WNT7A: variants seen among roughly 807,000 people sequenced by gnomAD.
WNT7A encodes the protein protein Wnt-7a.
A neutral mutation model predicts 28.2 loss-of-function variants in WNT7A; 16 were observed. That is an observed-to-expected ratio of 0.57 (90% CI 0.38 to 0.86). The LOEUF (loss-of-function observed/expected upper bound fraction) is 0.86. Ranked by LOEUF, WNT7A falls within the 40% of genes least tolerant of loss-of-function variation. WNT7A has a pLI of 0.00. For synonymous variants in WNT7A, 190 were observed against 195.9 expected (o/e 0.97, Z 0.25); for missense variants, 411 against 489.7 (o/e 0.84, Z 1.52).
intron 3 of WNT7A, among the ~76,000 whole-genome samples, chr3:13,823,374 C>G (rs1449771995): frequency 3.9e-5 from 6 of 152,200 alleles, no homozygotes. Flanking sequence ...AGCCGGTGCG[C>G]AGAAAATGCC....
rs771287706 is a variant in WNT7A at position 13,818,291 on chromosome 3, T to C, written c.*653A>G. On this transcript the variant is annotated 3_prime_UTR_variant, in exon 4 of 4. Transcript: ENST00000285018. ...GGGCAAAAGGATGGAAAACATACTC[T>C]GGAAAAAACGTCTCCAAATCTGGAC... 5.1e-5 allele frequency: 7 copies of C among 136,954 alleles called. No homozygotes were observed. The highest frequency in any genetic ancestry group is 9.1e-5 in the Non-Finnish European group (6 of 65,868). The allele number at this position is 136,954 out of a possible 1,614,324, so 8.5% of individuals were successfully genotyped here.
At chr3:13,826,691 C>T (rs1333213432) in intron 3 of WNT7A, among the ~76,000 whole-genome samples, 1 of 152,140 alleles carries the variant, frequency 6.6e-6, no homozygotes, top group Non-Finnish European at 1.5e-5. Flanking sequence ...ACTTCAGTCC[C>T]TTCCACAGAA....
intron 1 of WNT7A, 82 bp from the exon 2 acceptor site, chr3:13,875,255 T>C: frequency 6.9e-7 from 1 of 1,447,416 alleles, no homozygotes; most frequent in South Asian, 1.2e-5. Flanking sequence ...TGTCCAGCAC[T>C]GGCCACCCCA....
intron 3 of WNT7A, among the ~76,000 whole-genome samples, chr3:13,839,228 C>T (rs563996581): frequency 6.7e-4 from 102 of 152,256 alleles, no homozygotes; most frequent in Middle Eastern, 3.4e-3. Context: ...GGAAACTTGT[C>T]GGAAATGCAG....
At chr3:13,826,533 T>C (rs1285869481) in intron 3 of WNT7A, among the ~76,000 whole-genome samples, 3 of 152,038 alleles carry the variant, frequency 2.0e-5, no homozygotes, top group African/African-American at 7.3e-5. Flanking sequence ...AGAGCACATG[T>C]TGAGCACATA....
At chr3:13,867,280 T>G (rs576617872) in intron 2 of WNT7A, among the ~76,000 whole-genome samples, 1 of 152,278 alleles carries the variant, frequency 6.6e-6, no homozygotes, top group East Asian at 1.9e-4. Flanking sequence ...AACCCGGCCA[T>G]GTGACTCTGA....
chr3:13,832,168 T>A (rs975163200), intron 3 of WNT7A, among the ~76,000 whole-genome samples: 1 of 144,616 alleles, frequency 6.9e-6, no homozygotes, highest in African/African-American at 2.6e-5. Flanking sequence ...CCCCTCCTCC[T>A]CCTCAAGATC....
rs1694025167 is a variant in WNT7A, at chr3:13,817,488, C to T, written c.*1456G>A. Reference sequence around the variant, plus strand: ...CACACACACCGGAAATGCAAACGGACACATATTAGAACACCCCCAGCCTGC... The same window carrying T: ...CACACACACCGGAAATGCAAACGGATACATATTAGAACACCCCCAGCCTGC... On this transcript the variant is annotated 3_prime_UTR_variant, in exon 4 of 4. Transcript: ENST00000285018. 1 of 153,112 alleles carries T rather than the reference C, an allele frequency of 6.5e-6. No individual in the cohort carries two copies. Among genetic ancestry groups the T allele is most frequent in the Non-Finnish European group, 1.4e-5 (1 of 69,248 alleles). The allele number at this position is 153,112 out of a possible 1,614,324, so 9.5% of individuals were successfully genotyped here.
Position 13,875,191 on chromosome 3 carries a change from G to A in WNT7A, c.72-18C>T. The stretch of plus-strand genomic sequence containing the variant: ...AGAAGCCACTGGAGGGAGAGACACA[G>A]AGAGATGGAGCATTAGGCCAGCAAG... On this transcript the variant is annotated intron_variant, in intron 1 of 3. Transcript: ENST00000285018. The A allele has an allele frequency of 6.2e-7, 1 of 1,613,494 alleles. No individual in the cohort carries two copies. Among genetic ancestry groups the A allele is most frequent in the Non-Finnish European group, 8.5e-7 (1 of 1,179,786 alleles).
chr3:13,863,253 C>T (rs1041550578), intron 2 of WNT7A, among the ~76,000 whole-genome samples: 1 of 152,190 alleles, frequency 6.6e-6, no homozygotes, highest in African/African-American at 2.4e-5. Flanking sequence ...TCCCCTCCCT[C>T]CACCTGTGGC....
rs144394128 is a variant in WNT7A, at chr3:13,871,538, C to T, written c.298+3409G>A. Among the ~76,000 whole-genome samples the T allele has an allele frequency of 2.8e-3, 424 of 152,162 alleles. 1 individual carries two copies. The highest frequency in any genetic ancestry group is 6.8e-3 in the Middle Eastern group (2 of 292). On this transcript the variant is annotated intron_variant, in intron 2 of 3. Transcript: ENST00000285018. Reference sequence around the variant, plus strand: ...TAGCAGGCCTTTAGGTTGTCACCCTCCCTCCCTCCTGGCTGGCCTTTAGGT... The same window carrying T: ...TAGCAGGCCTTTAGGTTGTCACCCTTCCTCCCTCCTGGCTGGCCTTTAGGT...
At chr3:13,860,878 A>G (rs1350049647) in intron 2 of WNT7A, among the ~76,000 whole-genome samples, 1 of 152,232 alleles carries the variant, frequency 6.6e-6, no homozygotes, top group Non-Finnish European at 1.5e-5. Context: ...ATGAGATCAT[A>G]TGTCCAATGA....
At chr3:13,837,765 G>C (rs749721329) in intron 3 of WNT7A, among the ~76,000 whole-genome samples, 1 of 152,144 alleles carries the variant, frequency 6.6e-6, no homozygotes, top group Non-Finnish European at 1.5e-5. Context: ...CATCCTCTGT[G>C]CCCTTGACCA....
intron 3 of WNT7A, among the ~76,000 whole-genome samples, chr3:13,824,225 C>G (rs1575059069): frequency 6.6e-6 from 1 of 152,182 alleles, no homozygotes; most frequent in Non-Finnish European, 1.5e-5. Flanking sequence ...ACAAAAGAAA[C>G]TCCATACCCA....
At chr3:13,851,656 C>T (rs1299674646) in intron 3 of WNT7A, among the ~76,000 whole-genome samples, 1 of 152,146 alleles carries the variant, frequency 6.6e-6, no homozygotes, top group Admixed American at 6.5e-5. Flanking sequence ...GTCTTGAGGG[C>T]AAAAACTGTG....
chr3:13,841,290 G>T (rs76412067), intron 3 of WNT7A, among the ~76,000 whole-genome samples: 1 of 152,118 alleles, frequency 6.6e-6, no homozygotes, highest in Admixed American at 6.5e-5. Flanking sequence ...TGATCTGTTC[G>T]TCTCTAAAAC....
intron 3 of WNT7A, among the ~76,000 whole-genome samples, chr3:13,831,515 G>A (rs1694279264): frequency 6.6e-6 from 1 of 152,178 alleles, no homozygotes; most frequent in Admixed American, 6.5e-5. Flanking sequence ...ATGGTCACTT[G>A]GGCTGGCTTG....
chr3:13,858,037 C>T (rs1312958100), intron 2 of WNT7A, among the ~76,000 whole-genome samples: 2 of 152,142 alleles, frequency 1.3e-5, no homozygotes, highest in Non-Finnish European at 2.9e-5. Context: ...AGGAGTAGGG[C>T]TTTTCTTTTA....
At chr3:13,828,669 AGCTCGAGACTCTGG>A (rs1694234864) in intron 3 of WNT7A, among the ~76,000 whole-genome samples, 2 of 152,152 alleles carry the variant, frequency 1.3e-5, no homozygotes, top group Non-Finnish European at 2.9e-5. Context: ...CGAGGGCTGG[AGCTCGAGACTCTGG>A]GCTCGTTGAG....
Sources: gnomAD v4.1 joint callset for allele counts (sites outside exome capture counted in the v4.1 genomes callset) on GRCh38, gnomAD v4.1.1 for gene constraint, MANE v1.5 for transcripts, NCBI Gene and HGNC (gene_info 2026-07-23, HGNC 2026-07-21) for gene names.